The following ST7 variants were observed in gnomAD, a reference collection of about 807,000 sequenced individuals.
ST7 encodes suppressor of tumorigenicity 7 protein.
In ST7, 28 loss-of-function variants were observed where a neutral mutation model predicts 78.7. The ratio of observed to expected loss-of-function variants is 0.36; its 90% CI spans 0.26 to 0.49. The LOEUF is 0.49. Among genes scored for constraint, ST7 ranks in the 20% least tolerant of loss-of-function variants. The probability of loss-of-function intolerance (pLI) is 0.99; values close to 1 mark genes in which losing one functional copy is unlikely to be tolerated. For synonymous variants in ST7, 247 were observed against 249.6 expected (o/e 0.99, Z 0.10); for missense variants, 418 against 696.0 (o/e 0.60, Z 4.49).
intron 2 of ST7, among the ~76,000 whole-genome samples, chr7:117,100,790 T>C (rs1801513269): frequency 6.6e-6 from 1 of 152,176 alleles, no homozygotes; most frequent in South Asian, 2.1e-4. Flanking sequence ...GGGGACCATC[T>C]AAACTCAGTG....
chr7:116,962,719 C>G (rs1193568886), intron 1 of ST7, among the ~76,000 whole-genome samples: 2 of 152,166 alleles, frequency 1.3e-5, no homozygotes, highest in African/African-American at 4.8e-5. Flanking sequence ...CAAACATTTT[C>G]TCCCATTCTG....
chr7:117,005,603 A>G (rs1269802011), intron 1 of ST7, among the ~76,000 whole-genome samples: 1 of 152,172 alleles, frequency 6.6e-6, no homozygotes, highest in Non-Finnish European at 1.5e-5. Flanking sequence ...CTTCCTGCCC[A>G]AGTGCTGATG....
At chr7:117,103,390 G>C (rs527793351) in intron 2 of ST7, among the ~76,000 whole-genome samples, 8 of 152,308 alleles carry the variant, frequency 5.3e-5, no homozygotes, top group African/African-American at 1.9e-4. Context: ...GCATGGTACT[G>C]GCATAAAAAC....
At chr7:117,131,619 G>A (rs960835434) in intron 5 of ST7, among the ~76,000 whole-genome samples, 3 of 151,796 alleles carry the variant, frequency 2.0e-5, no homozygotes, top group Non-Finnish European at 4.4e-5. Flanking sequence ...CAAAAGACAC[G>A]CAAAATCTCT....
intron 1 of ST7, among the ~76,000 whole-genome samples, chr7:117,021,613 T>A (rs2116038604): frequency 6.6e-6 from 1 of 152,334 alleles, no homozygotes; most frequent in South Asian, 2.1e-4. Context: ...TGTGACTGTT[T>A]GTGCATAGCT....
At chr7:116,967,344 C>A (rs183531247) in intron 1 of ST7, 2 of 471,048 alleles carry the variant, frequency 4.2e-6, no homozygotes, top group East Asian at 1.4e-4. Flanking sequence ...GCTCCACTTG[C>A]GCTACTCTCA....
chr7:116,972,974 C>A, intron 1 of ST7: 2 of 831,932 alleles, frequency 2.4e-6, no homozygotes, highest in Non-Finnish European at 4.0e-6. Flanking sequence ...GTTGCAGCCT[C>A]CTCTCCCTCA....
intron 2 of ST7, among the ~76,000 whole-genome samples, chr7:117,106,580 T>G (rs1445545400): frequency 4.6e-5 from 7 of 151,792 alleles, no homozygotes; most frequent in Non-Finnish European, 7.4e-5. Flanking sequence ...TTCCCACTCT[T>G]TCCTCCTCTG....
chr7:117,156,525 G>T (rs942280465), intron 9 of ST7, among the ~76,000 whole-genome samples: 1 of 152,164 alleles, frequency 6.6e-6, no homozygotes, highest in African/African-American at 2.4e-5. Flanking sequence ...ACTCAGAGGT[G>T]AGGAGTTTGG....
intron 14 of ST7, among the ~76,000 whole-genome samples, chr7:117,220,337 C>A (rs961210804): frequency 1.3e-5 from 2 of 152,108 alleles, no homozygotes; most frequent in Non-Finnish European, 2.9e-5. Flanking sequence ...TCTCACCGTT[C>A]GAGTTTGATT....
At chr7:117,016,617 G>A (rs1795628995) in intron 1 of ST7, among the ~76,000 whole-genome samples, 1 of 152,110 alleles carries the variant, frequency 6.6e-6, no homozygotes, top group African/African-American at 2.4e-5. Context: ...GAACAAAGGA[G>A]GTGACTTTAA....
intron 3 of ST7, among the ~76,000 whole-genome samples, chr7:117,119,982 G>A (rs1803232956): frequency 6.6e-6 from 1 of 151,572 alleles, no homozygotes; most frequent in African/African-American, 2.4e-5. Flanking sequence ...AGGCTGGAGT[G>A]CAGTGGCATG....
intron 1 of ST7, among the ~76,000 whole-genome samples, chr7:117,017,873 C>G (rs189085849): frequency 6.6e-6 from 1 of 152,240 alleles, no homozygotes; most frequent in Admixed American, 6.5e-5. Flanking sequence ...CAGAAATCTT[C>G]ATAGGAGTCA....
intron 1 of ST7, among the ~76,000 whole-genome samples, chr7:117,015,542 T>G (rs911309014): frequency 3.9e-5 from 6 of 152,214 alleles, no homozygotes; most frequent in Non-Finnish European, 8.8e-5. Flanking sequence ...TTCTAACCTT[T>G]TCCTTTTTTA....
At chr7:117,105,974 T>TTTTTTG (rs547032449) in intron 2 of ST7, among the ~76,000 whole-genome samples, 38 of 150,962 alleles carry the variant, frequency 2.5e-4, no homozygotes, top group East Asian at 1.6e-3. Context: ...AAAGGAAATG[T>TTTTTTG]TTTTTGTTTT....
At chr7:117,052,080 G>A (rs1797817108) in intron 1 of ST7, among the ~76,000 whole-genome samples, 1 of 152,178 alleles carries the variant, frequency 6.6e-6, no homozygotes, top group Non-Finnish European at 1.5e-5. Context: ...TCAAGTAAAA[G>A]CGTTAGTGTC....
intron 1 of ST7, among the ~76,000 whole-genome samples, chr7:117,036,052 C>G (rs1276821798): frequency 6.6e-6 from 1 of 152,106 alleles, no homozygotes; most frequent in African/African-American, 2.4e-5. Flanking sequence ...ACTGGTTTTT[C>G]TTTTTCTGAC....
intron 12 of ST7, among the ~76,000 whole-genome samples, chr7:117,195,617 G>A (rs1810239211): frequency 6.6e-6 from 1 of 152,106 alleles, no homozygotes; most frequent in Non-Finnish European, 1.5e-5. Context: ...CATGACAGCA[G>A]GAAGCAGAAG....
rs745567006 is a variant in ST7 at position 117,209,831 on chromosome 7, C to T, written c.1299C>T (p.Ile433=). The part of the protein sequence containing the change: ...MKSLILPPEH[I]LKRGDSEAIA... Reference sequence around the variant, plus strand: ...GCTTAATCCTACCCCCAGAACATATCCTGAAGAGAGGAGACAGTGAAGCAA... The same window carrying T: ...GCTTAATCCTACCCCCAGAACATATTCTGAAGAGAGGAGACAGTGAAGCAA... The change falls in exon 13 of 16, where the codon ATC becomes ATT. Residue 433 remains isoleucine, a synonymous_variant. Transcript: ENST00000323984. 1.9e-5 allele frequency: 31 copies of T among 1,614,018 alleles called. No homozygotes were observed. The South Asian group carries it at 3.1e-4, about 16-fold the overall frequency.
Sources: gnomAD v4.1 joint callset for allele counts (sites outside exome capture counted in the v4.1 genomes callset) on GRCh38, gnomAD v4.1.1 for gene constraint, MANE v1.5 for transcripts, NCBI Gene and HGNC (gene_info 2026-07-23, HGNC 2026-07-21) for gene names.